The following OLFM1 variants were observed in gnomAD, a reference collection of about 807,000 sequenced individuals.
The protein encoded by OLFM1 is noelin.
Under a neutral mutation model 49.7 loss-of-function variants are expected in OLFM1, and 9 were observed. That is an observed-to-expected ratio of 0.18 (90% confidence interval 0.11 to 0.32). The LOEUF (loss-of-function observed/expected upper bound fraction) is 0.32. Ranked by LOEUF, OLFM1 falls within the 10% of genes least tolerant of loss-of-function variation. OLFM1 has a pLI of 1.00. For missense variants in OLFM1, 369 were observed against 661.8 expected, an observed-to-expected ratio of 0.56 and a Z score of 4.85; for synonymous variants, 240 against 271.8, an observed-to-expected ratio of 0.88 and a Z score of 1.15.
chr9:135,091,669 A>ACT lies in OLFM1; in HGVS notation c.300+1326_300+1327insTC, dbSNP rs1220548084. Among the ~76,000 whole-genome samples the ACT allele has an allele frequency of 5.8e-5, 8 of 138,632 alleles. 1 individual carries two copies. Among genetic ancestry groups the ACT allele is most frequent in the Non-Finnish European group, 1.3e-4 (8 of 63,698 alleles). 90.9% of individuals were successfully genotyped at this position (138,632 alleles called of 152,430 possible). On this transcript the variant is annotated intron_variant, in intron 2 of 5. Transcript: ENST00000371793. ...CTCACATAGTCACACACACACAGTC[A>ACT]CACACTCACACATAGTCTCACACAC...
Position 135,118,968 on chromosome 9 carries a change from G to GCTCGCCGGGTCTTTGGCATA in OLFM1, c.784-517_784-516insACTCGCCGGGTCTTTGGCAT, listed in dbSNP as rs1466683456. ...AAGTGCTCACTGGGTCTTTGGAAAT[G>GCTCGCCGGGTCTTTGGCATA]CTCGCCGGGTCTTTGGCATGCTCGC... On this transcript the variant is annotated intron_variant, in intron 5 of 5. Coordinates refer to ENST00000371793, the MANE Select transcript of OLFM1 (RefSeq NM_001282611.2). Among the ~76,000 whole-genome samples the GCTCGCCGGGTCTTTGGCATA allele has an allele frequency of 3.2e-3, 479 of 147,510 alleles. 1 individual carries two copies. Among genetic ancestry groups the GCTCGCCGGGTCTTTGGCATA allele is most frequent in the African/African-American group, 9.1e-3 (359 of 39,612 alleles).
At chr9:135,093,522 T>C (rs910344618) in intron 2 of OLFM1, among the ~76,000 whole-genome samples, 3 of 152,218 alleles carry the variant, frequency 2.0e-5, no homozygotes, top group Admixed American at 6.5e-5. Context: ...GCCTGGAACA[T>C]GGGAAAGGAT....
chr9:135,088,154 C>T lies in OLFM1; in HGVS notation c.150+15C>T. ...GCAGCACCGGCGTAAGTGCGCCCGC[C>T]GGCCGCCTTGGCGCGGCTCCTCCTC... is the stretch of plus-strand genomic sequence containing the variant. On this transcript the variant is annotated intron_variant, in intron 1 of 5. Transcript: ENST00000371793. The surrounding 1 kb of genome is among the most constrained non-coding windows in gnomAD (Gnocchi z 4.8). 10 of 1,322,722 alleles carry T rather than the reference C, an allele frequency of 7.6e-6. No individual in the cohort carries two copies. The highest frequency in any genetic ancestry group is 3.5e-5 in the Admixed American group (1 of 28,466). The allele number at this position is 1,322,722 out of a possible 1,614,324, so 81.9% of individuals were successfully genotyped here. A position where few individuals can be genotyped will look rare whatever the true frequency, so the allele number is the denominator to read the frequency against.
intron 4 of OLFM1, among the ~76,000 whole-genome samples, chr9:135,104,034 TGA>T (rs1288700340): frequency 6.6e-6 from 1 of 152,208 alleles, no homozygotes; most frequent in African/African-American, 2.4e-5. Flanking sequence ...ATCCCCAGGC[TGA>T]GTTTTGGAGG....
chr9:135,082,978 A>G (rs1163112717), upstream of OLFM1, among the ~76,000 whole-genome samples: 1 of 152,184 alleles, frequency 6.6e-6, no homozygotes, highest in Non-Finnish European at 1.5e-5. Flanking sequence ...CTGTAAGCAA[A>G]TGGTGCCACC....
At chr9:135,105,187 G>A (rs1437172697) in intron 4 of OLFM1, among the ~76,000 whole-genome samples, 1 of 152,238 alleles carries the variant, frequency 6.6e-6, no homozygotes, top group Non-Finnish European at 1.5e-5. Context: ...AAGTAGGAAT[G>A]GGGAACTACG....
intron 5 of OLFM1, among the ~76,000 whole-genome samples, chr9:135,118,942 GA>G (rs1194381691): frequency 6.2e-5 from 9 of 145,806 alleles, no homozygotes; most frequent in South Asian, 2.2e-4. Flanking sequence ...TGTGTCTTTG[GA>G]AGTGCTCACT....
Position 135,088,143 on chromosome 9 carries a change from A to G in OLFM1, c.150+4A>G. 1 of 1,334,782 alleles carries G rather than the reference A, an allele frequency of 7.5e-7. No homozygotes were observed. The highest frequency in any genetic ancestry group is 9.7e-7 in the Non-Finnish European group (1 of 1,029,390). The allele number at this position is 1,334,782 out of a possible 1,614,324, so 82.7% of individuals were successfully genotyped here. On this transcript the variant is annotated splice_donor_region_variant and intron_variant, in intron 1 of 5. Coordinates refer to ENST00000371793, the MANE Select transcript of OLFM1 (RefSeq NM_001282611.2). The surrounding 1 kb of genome is among the most constrained non-coding windows in gnomAD (Gnocchi z 4.8). ...GACGCTGGACCGCAGCACCGGCGTA[A>G]GTGCGCCCGCCGGCCGCCTTGGCGC...
In OLFM1 at chr9:135,098,016, G is replaced by GA; in HGVS notation, c.457-267dup. ...CCTTGTCAATGCATTTTTTGAAAAA[G>GA]AAAGAAAAAAAAAACTTCGTGTATG... On this transcript the variant is annotated intron_variant, in intron 3 of 5. Coordinates refer to ENST00000371793, the MANE Select transcript of OLFM1 (RefSeq NM_001282611.2). The surrounding 1 kb of genome is among the most constrained non-coding windows in gnomAD (Gnocchi z 5.6). 7.1e-7 allele frequency: 1 copy of GA among 1,399,632 alleles called. No individual in the cohort carries two copies. 86.7% of individuals were successfully genotyped at this position (1,399,632 alleles called of 1,614,324 possible).
intron 5 of OLFM1, among the ~76,000 whole-genome samples, chr9:135,110,751 TC>T (rs1312380819): frequency 6.6e-6 from 1 of 151,824 alleles, no homozygotes; most frequent in Non-Finnish European, 1.5e-5. Context: ...ACTGCCAGCA[TC>T]CCCCCCACCT....
chr9:135,084,011 G>A (rs1830564611), upstream of OLFM1, among the ~76,000 whole-genome samples: 1 of 152,234 alleles, frequency 6.6e-6, no homozygotes, highest in Admixed American at 6.5e-5. The surrounding 1 kb of genome is among the most constrained non-coding windows in gnomAD (Gnocchi z 4.6). Flanking sequence ...GGAAGGGGGT[G>A]AGGAGCAGTT....
intron 2 of OLFM1, among the ~76,000 whole-genome samples, chr9:135,090,557 C>T (rs12006211): frequency 5.3e-5 from 8 of 151,232 alleles, no homozygotes; most frequent in African/African-American, 1.5e-4. Context: ...GATGGATGGA[C>T]GGATGGGTGG....
chr9:135,075,527 G>A (rs1430519036), exon 1 of OLFM1: 1 of 274,526 alleles, frequency 3.6e-6, no homozygotes, highest in South Asian at 5.7e-5. Flanking sequence ...ACCGGGACGC[G>A]ATAAATATGC....
At chr9:135,076,248 A>G in intron 1 of OLFM1, 3 of 1,550,548 alleles carry the variant, frequency 1.9e-6, no homozygotes, top group Non-Finnish European at 2.6e-6. Flanking sequence ...CTTTGGGCAT[A>G]ACGCTGCCCT....
chr9:135,076,517 C>A, intron 1 of OLFM1: 2 of 1,255,334 alleles, frequency 1.6e-6, no homozygotes, highest in Non-Finnish European at 2.1e-6. Flanking sequence ...TTTAAAGATG[C>A]ATATTGGAGC....
Position 135,120,239 on chromosome 9 carries a change from G to A in OLFM1, c.*61G>A. Reference sequence around the variant, plus strand: ...ACCACAAAGGGACTCCTGTGAAACTGCTGCCAAAAAGATACCAATAACACT... The same window carrying A: ...ACCACAAAGGGACTCCTGTGAAACTACTGCCAAAAAGATACCAATAACACT... On this transcript the variant is annotated 3_prime_UTR_variant, in exon 6 of 6. Coordinates refer to ENST00000371793, the MANE Select transcript of OLFM1 (RefSeq NM_001282611.2). 7.0e-7 allele frequency: 1 copy of A among 1,426,030 alleles called. No homozygotes were observed. Among genetic ancestry groups the A allele is most frequent in the Non-Finnish European group, 9.5e-7 (1 of 1,048,362 alleles). 88.3% of individuals were successfully genotyped at this position (1,426,030 alleles called of 1,614,324 possible). A position where few individuals can be genotyped will look rare whatever the true frequency, so the allele number is the denominator to read the frequency against.
chr9:135,115,758 G>T (rs139335741), intron 5 of OLFM1, among the ~76,000 whole-genome samples: 3 of 152,334 alleles, frequency 2.0e-5, no homozygotes, highest in East Asian at 3.9e-4. Context: ...TCTTGACTCT[G>T]ACCACTGGAA....
Position 135,092,395 on chromosome 9 carries a change from A to G in OLFM1, c.300+2051A>G, listed in dbSNP as rs148741810. 4.6e-3 allele frequency among the ~76,000 whole-genome samples: 699 copies of G among 152,222 alleles called. 2 individuals are homozygous for G. Among genetic ancestry groups the G allele is most frequent in the African/African-American group, 0.016 (665 of 41,540 alleles). Reference sequence around the variant, plus strand: ...GCAGGGCAACTGGCCTAGTTCGTAAAGCACGCTCACCTTGAAGGAATAGAA... The same window carrying G: ...GCAGGGCAACTGGCCTAGTTCGTAAGGCACGCTCACCTTGAAGGAATAGAA... On this transcript the variant is annotated intron_variant, in intron 2 of 5. Transcript: ENST00000371793.
In OLFM1 at chr9:135,119,675, A is replaced by T. The variant is rs901896039; in HGVS notation, c.955A>T (p.Ile319Phe). ...CTACTTCAACAAGTTCCAGAGCCAC[A>T]TCATCATCAGGTTTGACCTGAAGAC... ...SIYFNKFQSHIIIRFDLKTET... is the reference protein window; with the variant it reads ...SIYFNKFQSHFIIRFDLKTET... Residue 319 changes from isoleucine (I) to phenylalanine (F), a missense_variant, in exon 6 of 6, where the codon ATC becomes TTC. Ile to Phe is a conservative substitution (Grantham distance 21, BLOSUM62 0). Coordinates refer to ENST00000371793, the MANE Select transcript of OLFM1 (RefSeq NM_001282611.2). The T allele has an allele frequency of 1.2e-6, 2 of 1,614,184 alleles. No homozygotes were observed. The highest frequency in any genetic ancestry group is 8.5e-7 in the Non-Finnish European group (1 of 1,180,032).
Sources: gnomAD v4.1 joint callset for allele counts (sites outside exome capture counted in the v4.1 genomes callset) on GRCh38, gnomAD v4.1.1 for gene constraint, Gnocchi (gnomAD v3.1) non-coding constraint, MANE v1.5 for transcripts, NCBI Gene and HGNC (gene_info 2026-07-23, HGNC 2026-07-21) for gene names.